The following SPTBN1 variants were observed in gnomAD, a reference collection of about 807,000 sequenced individuals.
The protein encoded by SPTBN1 is spectrin beta, non-erythrocytic 1.
In SPTBN1, 32 loss-of-function variants were observed where a neutral mutation model predicts 266.4. The observed-to-expected ratio is 0.12, with a 90% CI of 0.09 to 0.16. SPTBN1 has a LOEUF of 0.16. Ranked by LOEUF, SPTBN1 falls within the 10% of genes least tolerant of loss-of-function variation. SPTBN1 has a pLI of 1.00. For missense variants in SPTBN1, 2,296 were observed against 3,067.1 expected (o/e 0.75, Z 5.94); for synonymous variants, 1,336 against 1,162.2 (o/e 1.15, Z -3.04).
chr2:54,563,841 A>G (rs1281474736), intron 2 of SPTBN1, among the ~76,000 whole-genome samples: 1 of 151,998 alleles, frequency 6.6e-6, no homozygotes, highest in Non-Finnish European at 1.5e-5. Flanking sequence ...TGACCTTGTG[A>G]TCTGCCTGCC....
At chr2:54,524,918 G>C (rs987769695) in intron 1 of SPTBN1, among the ~76,000 whole-genome samples, 10 of 151,968 alleles carry the variant, frequency 6.6e-5, no homozygotes, top group African/African-American at 2.4e-4. Context: ...CTGATCACCA[G>C]ATCTAAAAAT....
At chr2:54,569,537 A>G (rs907684162) in intron 2 of SPTBN1, among the ~76,000 whole-genome samples, 7 of 152,330 alleles carry the variant, frequency 4.6e-5, no homozygotes, top group Middle Eastern at 3.4e-3. Context: ...AAGTGTTAAT[A>G]TAGACGAGTT....
rs1212009427 is a variant in SPTBN1 at position 54,626,651 on chromosome 2, A to T, written c.1644+417A>T. Among the ~76,000 whole-genome samples, 1 of 152,106 alleles carries T rather than the reference A, an allele frequency of 6.6e-6. No homozygotes were observed. Among genetic ancestry groups the T allele is most frequent in the Non-Finnish European group, 1.5e-5 (1 of 68,002 alleles). ...GTGGTAGGTGCCATGGACAGAGGAG[A>T]GGTCAGGAACCAGGCAGCCAGAGTT... On this transcript the variant is annotated intron_variant, in intron 12 of 35. Transcript: ENST00000356805. The surrounding 1 kb of genome is among the most constrained non-coding windows in gnomAD (Gnocchi z 4.7).
intron 1 of SPTBN1, among the ~76,000 whole-genome samples, chr2:54,477,570 A>C (rs778188822): frequency 6.6e-6 from 1 of 152,266 alleles, no homozygotes; most frequent in Middle Eastern, 3.4e-3. Context: ...TAAAGCTGTC[A>C]GTTACCTCAC....
chr2:54,529,901 G>A (rs545520661), intron 2 of SPTBN1: 58 of 393,330 alleles, frequency 1.5e-4, no homozygotes, highest in Non-Finnish European at 2.3e-4. Flanking sequence ...CTTGATGTGG[G>A]AGTGGTGTGG....
intron 3 of SPTBN1, among the ~76,000 whole-genome samples, chr2:54,601,102 A>G (rs765217920): frequency 6.6e-5 from 10 of 152,100 alleles, no homozygotes; most frequent in Non-Finnish European, 1.5e-4. Context: ...TTTTGTGGCA[A>G]CCCAGAGACC....
intron 19 of SPTBN1, 141 bp from the exon 20 acceptor site, chr2:54,644,182 G>C: frequency 9.6e-7 from 1 of 1,040,124 alleles, no homozygotes; most frequent in South Asian, 1.7e-5. Flanking sequence ...ATTTTATTGA[G>C]CAGTAACTTC....
chr2:54,631,694 T>G (rs1572715155), intron 16 of SPTBN1, 83 bp downstream of exon 16: 1 of 1,504,124 alleles, frequency 6.6e-7, no homozygotes, highest in Non-Finnish European at 8.9e-7. Context: ...GGGCAGCTGG[T>G]TTAAACCACA....
chr2:54,618,254 T>A, intron 7 of SPTBN1, 61 bp downstream of exon 7: 1 of 1,376,628 alleles, frequency 7.3e-7, no homozygotes, highest in Non-Finnish European at 1.0e-6. Context: ...GGTGTTAATG[T>A]AAAATCTGTT....
At chr2:54,524,835 T>C (rs1670702166) in intron 1 of SPTBN1, among the ~76,000 whole-genome samples, 3 of 152,226 alleles carry the variant, frequency 2.0e-5, no homozygotes, top group Admixed American at 2.0e-4. Context: ...AACACTATTA[T>C]TCTTGATCTG....
At chr2:54,578,394 G>A (rs975605207) in intron 2 of SPTBN1, among the ~76,000 whole-genome samples, 1 of 152,170 alleles carries the variant, frequency 6.6e-6, no homozygotes, top group East Asian at 1.9e-4. Context: ...TGGGCTAAGT[G>A]TTAGCCTTTT....
At chr2:54,508,634 A>T (rs1336334649) in intron 1 of SPTBN1, among the ~76,000 whole-genome samples, 1 of 152,170 alleles carries the variant, frequency 6.6e-6, no homozygotes, top group African/African-American at 2.4e-5. Flanking sequence ...TTGGTCCAAG[A>T]ACCATTTGCT....
intron 2 of SPTBN1, among the ~76,000 whole-genome samples, chr2:54,567,968 A>G (rs1673780371): frequency 6.6e-6 from 1 of 152,158 alleles, no homozygotes; most frequent in Non-Finnish European, 1.5e-5. Context: ...TTCAGTATAG[A>G]TAGATGACTT....
rs1427554641 is a variant in SPTBN1, at chr2:54,628,211, G to A, written c.1759G>A (p.Val587Ile). 3 of 1,613,946 alleles carry A rather than the reference G, an allele frequency of 1.9e-6. No homozygotes were observed. Among genetic ancestry groups the A allele is most frequent in the Admixed American group, 3.3e-5 (2 of 60,004 alleles). Residue 587 changes from valine (V) to isoleucine (I), a missense_variant, in exon 13 of 36, where the codon GTC (valine) becomes ATC (isoleucine). Val to Ile is a conservative substitution (Grantham distance 29). This residue lies in a region of SPTBN1 where 434 missense variants were observed against 573.9 expected (regional missense o/e 0.76). Transcript: ENST00000356805. The surrounding 1 kb of genome is among the most constrained non-coding windows in gnomAD (Gnocchi z 4.3). ...IGIQAERVRG[V>I]NASAQKFATD... ...CATCCAGGCAGAGCGGGTGAGAGGT[G>A]TCAATGCCTCCGCCCAGAAGTTCGC...
Position 54,632,774 on chromosome 2 carries a change from GT to G in SPTBN1, c.3767+10del, listed in dbSNP as rs1417097125. The G allele has an allele frequency of 6.2e-7, 1 of 1,613,886 alleles. No homozygotes were observed. Among genetic ancestry groups the G allele is most frequent in the Non-Finnish European group, 8.5e-7 (1 of 1,179,948 alleles). ...GTGGACTCTATTGATGACAGGTACA[GT>G]TTTCTGAGGTTCTTAAGGGAGCCTT... On this transcript the variant is annotated splice_region_variant and intron_variant, in intron 17 of 35. Transcript: ENST00000356805.
chr2:54,594,256 A>T (rs939552244), intron 2 of SPTBN1, among the ~76,000 whole-genome samples: 1 of 151,532 alleles, frequency 6.6e-6, no homozygotes, highest in African/African-American at 2.4e-5. Flanking sequence ...GATTGATTAT[A>T]AGTGCAGTTA....
chr2:54,660,570 A>T (rs1416558670), intron 32 of SPTBN1: 3 of 985,528 alleles, frequency 3.0e-6, no homozygotes, highest in Non-Finnish European at 3.6e-6. Context: ...GCTGTGTAAC[A>T]TTCCATGAAA....
chr2:54,576,558 G>C (rs1051733345), intron 2 of SPTBN1, among the ~76,000 whole-genome samples: 3 of 152,016 alleles, frequency 2.0e-5, no homozygotes, highest in African/African-American at 4.8e-5. Flanking sequence ...TTGCTTATAC[G>C]CTCTAGTTGA....
chr2:54,658,130 C>G, intron 30 of SPTBN1, 84 bp downstream of exon 30: 3 of 1,501,834 alleles, frequency 2.0e-6, no homozygotes, highest in Non-Finnish European at 2.7e-6. Context: ...GGAATTCACA[C>G]GATTGCTTGT....
Sources: gnomAD v4.1 joint callset for allele counts (sites outside exome capture counted in the v4.1 genomes callset) on GRCh38, gnomAD v4.1.1 for gene constraint, gnomAD v4.1.1 regional missense constraint, Gnocchi (gnomAD v3.1) non-coding constraint, MANE v1.5 for transcripts, NCBI Gene and HGNC (gene_info 2026-07-23, HGNC 2026-07-21) for gene names.